CLGN: variants seen among roughly 807,000 people sequenced by gnomAD.
CLGN encodes testis tissue sperm-binding protein Li 79P.
Under a neutral mutation model 79.1 loss-of-function variants are expected in CLGN, and 62 were observed. That is an observed-to-expected ratio of 0.78 (90% CI 0.64 to 0.97). The LOEUF (loss-of-function observed/expected upper bound fraction) is 0.97. Among genes scored for constraint, CLGN ranks in the 50% least tolerant of loss-of-function variants. The pLI is 0.00. For missense variants in CLGN, 647 were observed against 715.5 expected (o/e 0.90, Z 1.09); for synonymous variants, 225 against 224.7 (o/e 1.00, Z -0.01).
chr4:140,395,165 T>TG (rs1410447934), intron 10 of CLGN, among the ~76,000 whole-genome samples: 7 of 150,936 alleles, frequency 4.6e-5, no homozygotes, highest in East Asian at 1.9e-4. Flanking sequence ...TTTTGTTTTT[T>TG]TGTTTTGAGT....
At chr4:140,405,333 C>T (rs358302) in intron 5 of CLGN, among the ~76,000 whole-genome samples, 10,743 of 149,458 alleles carry the variant, frequency 0.072, 517 homozygotes, top group African/African-American at 0.13. Flanking sequence ...TACAGGCGCC[C>T]GCCACTACGC....
At chr4:140,410,254 G>C (rs914395631) in intron 3 of CLGN, among the ~76,000 whole-genome samples, 1 of 151,894 alleles carries the variant, frequency 6.6e-6, no homozygotes, top group African/African-American at 2.4e-5. Context: ...ATTTAGAGTA[G>C]AGCAGTACTC....
At chr4:140,423,983 G>GT (rs1729517760) in intron 1 of CLGN, among the ~76,000 whole-genome samples, 1 of 151,848 alleles carries the variant, frequency 6.6e-6, no homozygotes, top group African/African-American at 2.4e-5. Flanking sequence ...GATTTCACTT[G>GT]TTTTCTCTCT....
chr4:140,389,846 G>C (rs1230702888), intron 14 of CLGN, among the ~76,000 whole-genome samples: 1 of 151,746 alleles, frequency 6.6e-6, no homozygotes, highest in East Asian at 1.9e-4. Context: ...TCTTTAAATA[G>C]ATAAAATACA....
At chr4:140,395,005 C>T (rs751369180) in intron 10 of CLGN, among the ~76,000 whole-genome samples, 1 of 152,022 alleles carries the variant, frequency 6.6e-6, no homozygotes, top group African/African-American at 2.4e-5. Flanking sequence ...TGTGAAACCC[C>T]GTCTCCGCTA....
rs754897067 is a variant in CLGN at position 140,425,429 on chromosome 4, G to GGTGTGTGT, written c.-10+2100_-10+2107dup. ...TTCATCAGAGAAGCAGAATCAATAG[G>GGTGTGTGT]GTGTGTGTGTGTGTGTGTGTGTGTG... On this transcript the variant is annotated intron_variant, in intron 1 of 14. Transcript: ENST00000325617. 6.8e-3 allele frequency among the ~76,000 whole-genome samples: 793 copies of GGTGTGTGT among 116,914 alleles called. 8 individuals carry two copies. The highest frequency in any genetic ancestry group is 0.025 in the East Asian group (99 of 3,904). 76.7% of individuals were successfully genotyped at this position (116,914 alleles called of 152,430 possible). A position where few individuals can be genotyped will look rare whatever the true frequency, so the allele number is the denominator to read the frequency against.
intron 1 of CLGN, among the ~76,000 whole-genome samples, chr4:140,425,449 T>TGTGG: frequency 6.6e-6 from 1 of 151,630 alleles, no homozygotes; most frequent in East Asian, 1.9e-4. Flanking sequence ...TGTGTGTGTG[T>TGTGG]GTGTGTGTGT....
At position 140,425,468 on chromosome 4, in the gene CLGN, G is replaced by GTA; in HGVS notation, c.-10+2067_-10+2068dup. Among the ~76,000 whole-genome samples the GTA allele has an allele frequency of 1.3e-5, 2 of 149,946 alleles. 1 individual carries two copies. Among genetic ancestry groups the GTA allele is most frequent in the South Asian group, 4.2e-4 (2 of 4,750 alleles). The stretch of plus-strand genomic sequence containing the variant: ...TGTGTGTGTGTGTGTGTGTGTGTGT[G>GTA]TACATACAGGCATACCTCATTTTAC... On this transcript the variant is annotated intron_variant, in intron 1 of 14. Coordinates refer to ENST00000325617, the MANE Select transcript of CLGN (RefSeq NM_004362.3).
intron 1 of CLGN, among the ~76,000 whole-genome samples, chr4:140,421,188 T>C (rs1729462092): frequency 6.6e-6 from 1 of 152,192 alleles, no homozygotes; most frequent in Admixed American, 6.5e-5. Context: ...CACATTTTGT[T>C]TATACATTCA....
Position 140,396,733 on chromosome 4 carries a change from T to G in CLGN, c.885-528A>C, listed in dbSNP as rs1168808218. 2.6e-5 allele frequency among the ~76,000 whole-genome samples: 4 copies of G among 151,122 alleles called. No individual in the cohort carries two copies. In the East Asian group the frequency reaches 7.8e-4, roughly 29 times the overall value. ...CACCACGCCTGGCTAAGTTTTTGTA[T>G]TTTTAGTAGAGATGGGGTTTCACTA... On this transcript the variant is annotated intron_variant, in intron 8 of 14. Transcript: ENST00000325617.
chr4:140,424,989 C>G (rs926846245), intron 1 of CLGN, among the ~76,000 whole-genome samples: 39 of 152,250 alleles, frequency 2.6e-4, no homozygotes, highest in African/African-American at 9.4e-4. Flanking sequence ...TCCACTACCA[C>G]CCCCAAATTA....
Position 140,398,931 on chromosome 4 carries a change from T to C in CLGN, c.804A>G (p.Glu268=). 1 of 1,613,958 alleles carries C rather than the reference T, an allele frequency of 6.2e-7. No homozygotes were observed. The highest frequency in any genetic ancestry group is 2.2e-5 in the East Asian group (1 of 44,828). ...VPPIKPPKEI[E]DPNDKKPEEW... ...CCTCAGGTTTTTTATCATTGGGATC[T>C]TCAATTTCTTTGGGAGGTTTGATAG... Residue 268 remains glutamate, a synonymous_variant, in exon 8 of 15, where the codon GAA becomes GAG. Transcript: ENST00000325617.
In CLGN at chr4:140,405,987, A is replaced by T; in HGVS notation, c.374T>A (p.Val125Glu). ...AGCAAAAATGAATGGTTTTGCTAAT[A>T]CAGCAGATATTGCATGATGCTTTGC... Reference protein sequence around the residue: ...SRAKHHAISAVLAKPFIFADK... With the variant: ...SRAKHHAISAELAKPFIFADK... The change falls in exon 5 of 15, where the codon GTA (valine) becomes GAA (glutamate). Residue 125 changes from valine (V) to glutamate (E), a missense_variant. By Grantham distance (121) the Val-to-Glu change is moderately radical. Coordinates refer to ENST00000325617, the MANE Select transcript of CLGN (RefSeq NM_004362.3). 1 of 1,613,498 alleles carries T rather than the reference A, an allele frequency of 6.2e-7. No homozygotes were observed. Among genetic ancestry groups the T allele is most frequent in the Non-Finnish European group, 8.5e-7 (1 of 1,179,742 alleles).
At chr4:140,406,922 A>G (rs962881109) in intron 4 of CLGN, among the ~76,000 whole-genome samples, 7 of 152,204 alleles carry the variant, frequency 4.6e-5, no homozygotes, top group Admixed American at 4.6e-4. Context: ...AGAAAATTCA[A>G]TTCGACAAAA....
intron 1 of CLGN, among the ~76,000 whole-genome samples, chr4:140,417,213 A>G (rs1578607380): frequency 7.1e-6 from 1 of 141,080 alleles, no homozygotes; most frequent in South Asian, 2.5e-4. Context: ...AAATAATAAG[A>G]GCTATCTATG....
Position 140,410,548 on chromosome 4 carries a change from C to T in CLGN, c.218+5G>A. On this transcript the variant is annotated splice_donor_5th_base_variant and intron_variant, in intron 3 of 14. Coordinates refer to ENST00000325617, the MANE Select transcript of CLGN (RefSeq NM_004362.3). The stretch of plus-strand genomic sequence containing the variant: ...AAGAAAACATTCTCTTGAATGAATA[C>T]TCACCCAGCCAACCTTCCACTATCA... The T allele has an allele frequency of 1.3e-6, 2 of 1,583,072 alleles. No homozygotes were observed. The highest frequency in any genetic ancestry group is 8.7e-7 in the Non-Finnish European group (1 of 1,152,586).
chr4:140,392,533 TAAAC>T (rs1728794079), intron 12 of CLGN, 49 bp downstream of exon 12: 4 of 1,553,348 alleles, frequency 2.6e-6, no homozygotes, highest in Non-Finnish European at 3.5e-6. Context: ...ATAGAACTCT[TAAAC>T]AACAAGAAAT....
chr4:140,415,588 T>A (rs957153531), intron 1 of CLGN, among the ~76,000 whole-genome samples: 2,045 of 150,460 alleles, frequency 0.014, 49 homozygotes, highest in African/African-American at 0.047. Context: ...CCAACAAAGA[T>A]CAAAAGAGAC....
chr4:140,389,065 T>C lies in CLGN; in HGVS notation c.*159A>G. Reference sequence around the variant, plus strand: ...TGAGGTAACTTCAAAGTTGCTTCTTTTTCCTCTGAAATGAAGGACTAAAAT... The same window carrying C: ...TGAGGTAACTTCAAAGTTGCTTCTTCTTCCTCTGAAATGAAGGACTAAAAT... On this transcript the variant is annotated 3_prime_UTR_variant, in exon 15 of 15. Transcript: ENST00000325617. 4 of 609,214 alleles carry C rather than the reference T, an allele frequency of 6.6e-6. No homozygotes were observed. Among genetic ancestry groups the C allele is most frequent in the Non-Finnish European group, 1.1e-5 (4 of 352,278 alleles). 37.7% of individuals were successfully genotyped at this position (609,214 alleles called of 1,614,324 possible). A position where few individuals can be genotyped will look rare whatever the true frequency, so the allele number is the denominator to read the frequency against.
Sources: allele counts gnomAD v4.1 joint callset (sites outside exome capture counted in the v4.1 genomes callset), GRCh38; gene constraint gnomAD v4.1.1; transcripts MANE v1.5; gene names NCBI Gene and HGNC (gene_info 2026-07-23, HGNC 2026-07-21).